The following GABBR2 variants were observed in gnomAD, a reference collection of about 807,000 sequenced individuals.
GABBR2 encodes G-protein coupled receptor 51.
A neutral mutation model predicts 105.6 loss-of-function variants in GABBR2; 23 were observed. The ratio of observed to expected loss-of-function variants is 0.22; its 90% CI spans 0.16 to 0.31. GABBR2 has a LOEUF of 0.31. GABBR2 is among the 10% of genes least tolerant of loss of function. The probability of loss-of-function intolerance (pLI) is 1.00; values close to 1 mark genes in which losing one functional copy is unlikely to be tolerated. For missense variants in GABBR2, 734 were observed against 1,245.5 expected, an observed-to-expected ratio of 0.59 and a Z score of 6.18; for synonymous variants, 478 against 499.7, an observed-to-expected ratio of 0.96 and a Z score of 0.58.
chr9:98,408,572 T>C (rs1357810121), intron 7 of GABBR2, among the ~76,000 whole-genome samples: 3 of 152,164 alleles, frequency 2.0e-5, no homozygotes, highest in Non-Finnish European at 4.4e-5. Flanking sequence ...GCCCAATAGG[T>C]GTCCCCCTTA....
At chr9:98,409,544 G>A (rs147070366) in intron 7 of GABBR2, among the ~76,000 whole-genome samples, 91 of 152,294 alleles carry the variant, frequency 6.0e-4, no homozygotes, top group African/African-American at 2.1e-3. Flanking sequence ...TGCCAGGGGT[G>A]CGCCCAGACA....
intron 2 of GABBR2, chr9:98,552,203 G>A (rs747912479): frequency 6.6e-5 from 10 of 152,108 alleles, no homozygotes; most frequent in Non-Finnish European, 1.3e-4. Context: ...TTTTTCAGGA[G>A]GCAGGTATAA....
In GABBR2 at chr9:98,518,032, C is replaced by G. The variant is rs1827793012; in HGVS notation, c.631-21518G>C. On this transcript the variant is annotated intron_variant, in intron 3 of 18. Coordinates refer to ENST00000259455, the MANE Select transcript of GABBR2 (RefSeq NM_005458.8). Reference sequence around the variant, plus strand: ...GTGAAAGAGAGCCAATGGGAGGCCCCAGGAGGAGTCAGAAAGAAGGCGAGA... The same window carrying G: ...GTGAAAGAGAGCCAATGGGAGGCCCGAGGAGGAGTCAGAAAGAAGGCGAGA... Among the ~76,000 whole-genome samples, 3 of 152,338 alleles carry G rather than the reference C, an allele frequency of 2.0e-5. No homozygotes were observed. In the South Asian group the frequency reaches 6.2e-4, roughly 32 times the overall value.
intron 17 of GABBR2, among the ~76,000 whole-genome samples, chr9:98,297,027 T>C (rs1830393173): frequency 6.6e-6 from 1 of 152,156 alleles, no homozygotes; most frequent in African/African-American, 2.4e-5. Flanking sequence ...TCATTTTTTA[T>C]ATTTAAATAT....
intron 1 of GABBR2, among the ~76,000 whole-genome samples, chr9:98,593,003 AGG>A (rs1829168417): frequency 6.6e-6 from 1 of 152,048 alleles, no homozygotes; most frequent in Non-Finnish European, 1.5e-5. Context: ...TTTTGAAGAC[AGG>A]GTCTCACTCT....
At chr9:98,471,909 T>C (rs1276083939) in intron 6 of GABBR2, among the ~76,000 whole-genome samples, 1 of 152,226 alleles carries the variant, frequency 6.6e-6, no homozygotes, top group Non-Finnish European at 1.5e-5. Context: ...TATATATGCA[T>C]TGATTTTGGT....
In GABBR2 at chr9:98,675,016, C is replaced by T. The variant is rs1417940606; in HGVS notation, c.321+33401G>A. On this transcript the variant is annotated intron_variant, in intron 1 of 18. Coordinates refer to ENST00000259455, the MANE Select transcript of GABBR2 (RefSeq NM_005458.8). ...CAGCTGGCCAGGCTCTCCCTTCTCA[C>T]GAAGCTGGAAACTGAGGTTCACAGG... 4.6e-5 allele frequency among the ~76,000 whole-genome samples: 7 copies of T among 152,236 alleles called. No individual in the cohort carries two copies. The East Asian group carries it at 1.2e-3, about 25-fold the overall frequency.
intron 1 of GABBR2, among the ~76,000 whole-genome samples, chr9:98,614,339 C>T (rs1030084117): frequency 5.9e-5 from 9 of 152,140 alleles, no homozygotes; most frequent in African/African-American, 2.2e-4. Flanking sequence ...GCCTGGTCAA[C>T]ATGGTGAAAT....
intron 7 of GABBR2, 27 bp downstream of exon 7, chr9:98,453,954 A>C: frequency 3.3e-6 from 5 of 1,502,832 alleles, no homozygotes; most frequent in Non-Finnish European, 4.6e-6. Flanking sequence ...AACACTAAGG[A>C]AAACAGCCCA....
chr9:98,341,624 C>T lies in GABBR2; in HGVS notation c.1893+21091G>A, dbSNP rs754925640. ...GAACACAGAGTGGCTTATCCAGTTA[C>T]GATTGCCTGATGGAAGGAAGGAAGT... is the stretch of plus-strand genomic sequence containing the variant. On this transcript the variant is annotated intron_variant, in intron 13 of 18. Transcript: ENST00000259455. Among the ~76,000 whole-genome samples, 8 of 152,238 alleles carry T rather than the reference C, an allele frequency of 5.3e-5. No individual in the cohort carries two copies. In the South Asian group the frequency reaches 1.2e-3, roughly 24 times the overall value.
chr9:98,544,738 G>A (rs566692202), intron 2 of GABBR2, among the ~76,000 whole-genome samples: 1 of 152,326 alleles, frequency 6.6e-6, no homozygotes, highest in East Asian at 1.9e-4. Context: ...GCATGGCCAT[G>A]TATGTGCAGA....
intron 13 of GABBR2, among the ~76,000 whole-genome samples, chr9:98,327,741 C>T (rs1388238849): frequency 6.6e-6 from 1 of 151,694 alleles, no homozygotes; most frequent in Non-Finnish European, 1.5e-5. Flanking sequence ...TGATGGTGTG[C>T]ACCTGTAATC....
At chr9:98,480,046 C>A (rs1435210714) in intron 5 of GABBR2, among the ~76,000 whole-genome samples, 1 of 152,142 alleles carries the variant, frequency 6.6e-6, no homozygotes, top group Admixed American at 6.5e-5. Context: ...TCTAGAATTC[C>A]TATTTATAAC....
intron 1 of GABBR2, among the ~76,000 whole-genome samples, chr9:98,620,996 G>A (rs1829662520): frequency 6.6e-6 from 1 of 152,158 alleles, no homozygotes; most frequent in Non-Finnish European, 1.5e-5. Context: ...CACAGCAATG[G>A]CTCAGTGGGG....
intron 14 of GABBR2, among the ~76,000 whole-genome samples, chr9:98,307,458 TCA>T (rs1443962198): frequency 2.0e-5 from 3 of 152,100 alleles, no homozygotes; most frequent in Admixed American, 2.0e-4. Context: ...GCCTTCTCTC[TCA>T]CAAAGGCCCC....
chr9:98,558,842 C>T (rs1828626838), intron 2 of GABBR2, among the ~76,000 whole-genome samples: 2 of 152,254 alleles, frequency 1.3e-5, no homozygotes. Context: ...GGGATCTGAA[C>T]CACATGCTGC....
intron 1 of GABBR2, among the ~76,000 whole-genome samples, chr9:98,660,937 G>T (rs529354132): frequency 2.6e-5 from 4 of 152,116 alleles, no homozygotes; most frequent in Non-Finnish European, 5.9e-5. Flanking sequence ...ATGGAGTCTC[G>T]CTCTGTTGCC....
rs1832122506 is a variant in GABBR2, at chr9:98,388,695, A to G, written c.1529+159T>C. On this transcript the variant is annotated intron_variant, in intron 10 of 18. Coordinates refer to ENST00000259455, the MANE Select transcript of GABBR2 (RefSeq NM_005458.8). The surrounding 1 kb of genome is among the most constrained non-coding windows in gnomAD (Gnocchi z 4.4). ...CACACACACGTACTCACATGCATGT[A>G]ACACCTACAACATCCTAGCAACGGA... 6.6e-6 allele frequency among the ~76,000 whole-genome samples: 1 copy of G among 150,638 alleles called. No individual in the cohort carries two copies. The highest frequency in any genetic ancestry group is 6.6e-5 in the Admixed American group (1 of 15,164).
chr9:98,650,232 T>A (rs375847525), intron 1 of GABBR2, among the ~76,000 whole-genome samples: 6 of 152,208 alleles, frequency 3.9e-5, no homozygotes, highest in African/African-American at 1.4e-4. Flanking sequence ...CAGTGTGGAA[T>A]AATTGAGCCA....
Sources: allele counts gnomAD v4.1 joint callset (sites outside exome capture counted in the v4.1 genomes callset), GRCh38; gene constraint gnomAD v4.1.1; non-coding constraint Gnocchi (gnomAD v3.1); transcripts MANE v1.5; gene names NCBI Gene and HGNC (gene_info 2026-07-23, HGNC 2026-07-21).